The following CHN2 variants were observed in gnomAD, a reference collection of about 807,000 sequenced individuals.
CHN2 encodes the protein chimerin 2, also known as beta-chimaerin.
A neutral mutation model predicts 56.3 loss-of-function variants in CHN2; 35 were observed. That is an observed-to-expected ratio of 0.62 (90% CI 0.47 to 0.82). CHN2 has a LOEUF of 0.82. CHN2 is among the 40% of genes least tolerant of loss of function. The pLI is 0.00. For synonymous variants in CHN2, 210 were observed against 212.8 expected, an observed-to-expected ratio of 0.99 and a Z score of 0.12; for missense variants, 491 against 580.5, an observed-to-expected ratio of 0.85 and a Z score of 1.58.
At chr7:29,454,503 C>T (rs930026105) in intron 6 of CHN2, among the ~76,000 whole-genome samples, 2 of 152,144 alleles carry the variant, frequency 1.3e-5, no homozygotes, top group Non-Finnish European at 2.9e-5. Flanking sequence ...GCCAACTAAT[C>T]CACAATCATG....
intron 1 of CHN2, chr7:29,200,670 G>A (rs143967393): frequency 1.8e-3 from 268 of 152,200 alleles, no homozygotes; most frequent in Non-Finnish European, 2.8e-3. Context: ...ATGGATTCAG[G>A]TTAGGGGGTC....
At chr7:29,150,885 C>A (rs1327859884) in intron 2 of CHN2, among the ~76,000 whole-genome samples, 1 of 152,168 alleles carries the variant, frequency 6.6e-6, no homozygotes, top group African/African-American at 2.4e-5. Flanking sequence ...TCAATAAACA[C>A]TTTTCTTAAG....
chr7:29,219,498 G>C (rs527612120), intron 1 of CHN2, among the ~76,000 whole-genome samples: 18 of 152,262 alleles, frequency 1.2e-4, no homozygotes, highest in South Asian at 1.0e-3. Context: ...AACTATATCA[G>C]TAAATGTATC....
chr7:29,487,210 T>TG (rs904227498), intron 7 of CHN2, among the ~76,000 whole-genome samples: 2 of 151,712 alleles, frequency 1.3e-5, no homozygotes, highest in Non-Finnish European at 2.9e-5. Flanking sequence ...TGTTTTGTTT[T>TG]TTTTTTGTTT....
At chr7:29,159,156 G>A (rs1794832367) in intron 2 of CHN2, among the ~76,000 whole-genome samples, 1 of 152,156 alleles carries the variant, frequency 6.6e-6, no homozygotes, top group African/African-American at 2.4e-5. Context: ...AAAGCATTGT[G>A]CAGACTCCTG....
At chr7:29,405,557 T>C (rs1270528358) in intron 6 of CHN2, among the ~76,000 whole-genome samples, 1 of 152,108 alleles carries the variant, frequency 6.6e-6, no homozygotes, top group Non-Finnish European at 1.5e-5. Context: ...CTCAAACTGC[T>C]GCCAAGCCAA....
At chr7:29,462,497 T>C (rs936645707) in intron 6 of CHN2, among the ~76,000 whole-genome samples, 12 of 152,190 alleles carry the variant, frequency 7.9e-5, no homozygotes, top group African/African-American at 2.4e-4. Context: ...GCTGGAATCA[T>C]TGGGCATCTC....
At chr7:29,178,657 T>C (rs1797685986) in intron 2 of CHN2, among the ~76,000 whole-genome samples, 1 of 152,236 alleles carries the variant, frequency 6.6e-6, no homozygotes, top group South Asian at 2.1e-4. Context: ...ACTTTGTTTA[T>C]TGTTATATTC....
chr7:29,403,219 C>T (rs1159933966), intron 6 of CHN2, among the ~76,000 whole-genome samples: 1 of 150,796 alleles, frequency 6.6e-6, no homozygotes, highest in East Asian at 2.0e-4. Flanking sequence ...CTCAGCCTTG[C>T]CAGAGATTCT....
intron 1 of CHN2, among the ~76,000 whole-genome samples, chr7:29,273,340 T>TATACAC (rs1491342073): frequency 1.4e-5 from 1 of 69,922 alleles, no homozygotes; most frequent in Non-Finnish European, 2.6e-5. Context: ...TATATATATA[T>TATACAC]GTGTATATAT....
At chr7:29,224,246 T>A (rs982837836) in intron 1 of CHN2, among the ~76,000 whole-genome samples, 2 of 152,230 alleles carry the variant, frequency 1.3e-5, no homozygotes, top group African/African-American at 4.8e-5. Flanking sequence ...CCAGAAATGT[T>A]CCAATTATGA....
chr7:29,435,931 T>A (rs914568399), intron 6 of CHN2, among the ~76,000 whole-genome samples: 10 of 148,720 alleles, frequency 6.7e-5, no homozygotes, highest in Non-Finnish European at 1.3e-4. Flanking sequence ...TTTTGGATCA[T>A]GAGAAGGGGT....
intron 6 of CHN2, among the ~76,000 whole-genome samples, chr7:29,439,740 T>C (rs766131704): frequency 2.6e-5 from 4 of 152,226 alleles, no homozygotes; most frequent in South Asian, 2.1e-4. Flanking sequence ...GTCAGAAATA[T>C]TTCTTGATTG....
intron 2 of CHN2, among the ~76,000 whole-genome samples, chr7:29,158,410 A>G (rs1056858290): frequency 1.3e-5 from 2 of 152,210 alleles, no homozygotes; most frequent in African/African-American, 4.8e-5. Flanking sequence ...TCCATAACCA[A>G]AGAAAACTAG....
At chr7:29,459,791 C>T (rs1026256409) in intron 6 of CHN2, among the ~76,000 whole-genome samples, 1 of 152,168 alleles carries the variant, frequency 6.6e-6, no homozygotes, top group African/African-American at 2.4e-5. Context: ...AAAGCAAGAA[C>T]ATGACTCCAG....
chr7:29,463,184 T>C (rs982509314), intron 6 of CHN2, among the ~76,000 whole-genome samples: 1 of 152,070 alleles, frequency 6.6e-6, no homozygotes, highest in South Asian at 2.1e-4. Context: ...AGCCTCCCAA[T>C]ACACCTAGAA....
intron 1 of CHN2, among the ~76,000 whole-genome samples, chr7:29,343,580 C>G (rs1797205277): frequency 6.6e-6 from 1 of 152,196 alleles, no homozygotes; most frequent in African/African-American, 2.4e-5. Context: ...ATGTGTATCT[C>G]ACTGGAGCAG....
At chr7:29,181,274 A>G (rs1356763448) in intron 2 of CHN2, 1 of 152,208 alleles carries the variant, frequency 6.6e-6, no homozygotes, top group East Asian at 1.9e-4. Flanking sequence ...GCTCTACTCC[A>G]GCAGGCGTTA....
chr7:29,454,986 G>T (rs753955114), intron 6 of CHN2, among the ~76,000 whole-genome samples: 10 of 151,948 alleles, frequency 6.6e-5, no homozygotes, highest in Non-Finnish European at 1.0e-4. Flanking sequence ...CAATTTTATG[G>T]ATCCTTTTAG....
Sources: gnomAD v4.1 joint callset for allele counts (sites outside exome capture counted in the v4.1 genomes callset) on GRCh38, gnomAD v4.1.1 for gene constraint, MANE v1.5 for transcripts, NCBI Gene and HGNC (gene_info 2026-07-23, HGNC 2026-07-21) for gene names.